Variants in SLTM observed in about 807,000 individuals in gnomAD.
SLTM encodes the protein SAFB-like transcription modulator.
In SLTM, 43 loss-of-function variants were observed where a neutral mutation model predicts 134.6. The ratio of observed to expected loss-of-function variants is 0.32; its 90% CI spans 0.25 to 0.41. The LOEUF (loss-of-function observed/expected upper bound fraction) is 0.41, where lower values mean the gene tolerates loss of function less well. Ranked by LOEUF, SLTM falls within the 10% of genes least tolerant of loss-of-function variation. The pLI is 1.00. For missense variants in SLTM, 1,055 were observed against 1,288.8 expected (o/e 0.82, Z 2.78); for synonymous variants, 424 against 432.3 (o/e 0.98, Z 0.24).
intron 15 of SLTM, 66 bp downstream of exon 15, chr15:58,890,215 T>G: frequency 6.4e-7 from 1 of 1,574,530 alleles, no homozygotes; most frequent in Non-Finnish European, 8.7e-7. Context: ...AAGCAAGTTT[T>G]AGGGCTAAAA....
intron 2 of SLTM, among the ~76,000 whole-genome samples, chr15:58,917,517 C>A (rs1382789063): frequency 2.0e-5 from 3 of 152,162 alleles, no homozygotes; most frequent in Non-Finnish European, 4.4e-5. Flanking sequence ...GTACACCTTG[C>A]CTCTTCATAG....
chr15:58,912,321 G>C (rs569248949), intron 5 of SLTM, among the ~76,000 whole-genome samples: 1 of 152,092 alleles, frequency 6.6e-6, no homozygotes, highest in East Asian at 1.9e-4. Flanking sequence ...GGATGGTCTC[G>C]ATCTCCTGAC....
At chr15:58,929,714 G>A (rs1167346864) in intron 2 of SLTM, among the ~76,000 whole-genome samples, 1 of 151,932 alleles carries the variant, frequency 6.6e-6, no homozygotes, top group Middle Eastern at 3.2e-3. Flanking sequence ...CACTGCACCC[G>A]GCCTAAAATA....
chr15:58,925,187 G>C (rs1335400263), intron 2 of SLTM, among the ~76,000 whole-genome samples: 2 of 151,996 alleles, frequency 1.3e-5, no homozygotes, highest in Non-Finnish European at 1.5e-5. Context: ...CCAATTGCAT[G>C]GAGTATCTTA....
chr15:58,890,916 C>G (rs2034598182), intron 14 of SLTM, among the ~76,000 whole-genome samples: 1 of 152,146 alleles, frequency 6.6e-6, no homozygotes, highest in Non-Finnish European at 1.5e-5. Flanking sequence ...CAATGAACAT[C>G]AATAATAGCA....
intron 5 of SLTM, 108 bp from the exon 6 acceptor site, chr15:58,901,395 AT>A: frequency 1.2e-6 from 1 of 852,712 alleles, no homozygotes. Flanking sequence ...TAATGATATT[AT>A]TTAGGGATAC....
At position 58,899,289 on chromosome 15, in the gene SLTM, T is replaced by C. The variant is rs1315321594; in HGVS notation, c.1058+180A>G. On this transcript the variant is annotated intron_variant, in intron 7 of 20. Transcript: ENST00000380516. This position sits in a 1 kb window ranked among gnomAD's most constrained non-coding sequence, Gnocchi z 5.0. ...CGACAATGCAATCAGTAGAACACAC[T>C]GCATTATTATGAAGATCTTGAAAAT... 6.8e-6 allele frequency: 4 copies of C among 587,896 alleles called. No individual in the cohort carries two copies. The highest frequency in any genetic ancestry group is 3.3e-4 in the Middle Eastern group (1 of 3,012). 36.4% of individuals were successfully genotyped at this position (587,896 alleles called of 1,614,324 possible).
chr15:58,893,361 G>A lies in SLTM; in HGVS notation c.1652C>T (p.Ser551Phe). The change falls in exon 13 of 21, where the codon TCC becomes TTC. Residue 551 changes from serine (S) to phenylalanine (F), a missense_variant. Coordinates refer to ENST00000380516, the MANE Select transcript of SLTM (RefSeq NM_024755.4). ...KKSEEKKRIS[S>F]KSPGHMVILD... ...TATTACCATATGTCCTGGACTCTTG[G>A]AACCTAAGGGAAAAAAATTATATAA... 6.3e-7 allele frequency: 1 copy of A among 1,586,464 alleles called. No individual in the cohort carries two copies. The highest frequency in any genetic ancestry group is 8.5e-7 in the Non-Finnish European group (1 of 1,170,092).
At chr15:58,913,861 T>C (rs2036450291) in intron 3 of SLTM, 165 bp from the exon 4 acceptor site, 1 of 558,114 alleles carries the variant, frequency 1.8e-6, no homozygotes, top group Non-Finnish European at 3.1e-6. Flanking sequence ...TCTTTAAAAA[T>C]AGGTCTAATA....
intron 2 of SLTM, among the ~76,000 whole-genome samples, chr15:58,926,713 C>T (rs532072137): frequency 7.3e-5 from 11 of 151,364 alleles, no homozygotes; most frequent in Non-Finnish European, 1.5e-4. Context: ...CTCCCAAGTT[C>T]AAGTGATTCT....
At chr15:58,896,712 A>G (rs562862411) in intron 9 of SLTM, among the ~76,000 whole-genome samples, 1 of 152,178 alleles carries the variant, frequency 6.6e-6, no homozygotes, top group Non-Finnish European at 1.5e-5. Context: ...CAAGGATCAT[A>G]TCTGGTTCTC....
intron 9 of SLTM, 24 bp from the exon 10 acceptor site, chr15:58,894,606 G>C (rs565507413): frequency 6.2e-7 from 1 of 1,612,596 alleles, no homozygotes; most frequent in African/African-American, 1.3e-5. Context: ...CTGTACTTTA[G>C]AGAGTTTTAC....
intron 19 of SLTM, among the ~76,000 whole-genome samples, chr15:58,886,550 A>G (rs988988726): frequency 6.6e-6 from 1 of 152,292 alleles, no homozygotes; most frequent in South Asian, 2.1e-4. Context: ...TACCTCCCAA[A>G]GTGTTGGCAT....
chr15:58,910,710 T>C (rs1485554081), intron 5 of SLTM, among the ~76,000 whole-genome samples: 1 of 151,610 alleles, frequency 6.6e-6, no homozygotes, highest in African/African-American at 2.4e-5. Flanking sequence ...AAAGGTACTC[T>C]CTCAATTTGA....
At chr15:58,912,185 C>G (rs530667904) in intron 5 of SLTM, among the ~76,000 whole-genome samples, 1 of 151,706 alleles carries the variant, frequency 6.6e-6, no homozygotes, top group African/African-American at 2.4e-5. Context: ...CTGCAAGCTC[C>G]ACCTCCTGCG....
At chr15:58,926,801 A>AG (rs749499792) in intron 2 of SLTM, among the ~76,000 whole-genome samples, 9 of 151,944 alleles carry the variant, frequency 5.9e-5, no homozygotes, top group Non-Finnish European at 1.2e-4. Context: ...TTTAGTAGAG[A>AG]GGGGGTTTCA....
At chr15:58,894,639 C>T (rs1417183199) in intron 9 of SLTM, 57 bp from the exon 10 acceptor site, 51 of 1,498,090 alleles carry the variant, frequency 3.4e-5, no homozygotes, top group Non-Finnish European at 4.6e-5. Flanking sequence ...ACACAGACTT[C>T]TAAATACATG....
At chr15:58,931,369 T>G (rs1467382752) in intron 2 of SLTM, among the ~76,000 whole-genome samples, 1 of 152,242 alleles carries the variant, frequency 6.6e-6, no homozygotes, top group African/African-American at 2.4e-5. Context: ...GATACCCAGG[T>G]GTGCTTAAGA....
At chr15:58,910,327 A>G (rs1320967747) in intron 5 of SLTM, among the ~76,000 whole-genome samples, 1 of 152,194 alleles carries the variant, frequency 6.6e-6, no homozygotes, top group Admixed American at 6.5e-5. Context: ...GCATGTTTAG[A>G]AGCATTAGAT....
Sources: gnomAD v4.1 joint callset for allele counts (sites outside exome capture counted in the v4.1 genomes callset) on GRCh38, gnomAD v4.1.1 for gene constraint, Gnocchi (gnomAD v3.1) non-coding constraint, MANE v1.5 for transcripts, NCBI Gene and HGNC (gene_info 2026-07-23, HGNC 2026-07-21) for gene names.